Variants in ASCC1 observed in about 807,000 individuals in gnomAD.
ASCC1 encodes the protein ASC-1 complex subunit P50.
Under a neutral mutation model 46.6 loss-of-function variants are expected in ASCC1, and 35 were observed. The ratio of observed to expected loss-of-function variants is 0.75; its 90% CI spans 0.57 to 0.99. The LOEUF (loss-of-function observed/expected upper bound fraction) is 0.99. ASCC1 is among the 50% of genes least tolerant of loss of function. The probability of loss-of-function intolerance (pLI) is 0.00; values close to 1 mark genes in which losing one functional copy is unlikely to be tolerated. For missense variants in ASCC1, 376 were observed against 428.7 expected, an observed-to-expected ratio of 0.88 and a Z score of 1.09; for synonymous variants, 143 against 146.6, an observed-to-expected ratio of 0.98 and a Z score of 0.18.
At chr10:72,105,152 G>T (rs749362626) in intron 9 of ASCC1, among the ~76,000 whole-genome samples, 2 of 152,202 alleles carry the variant, frequency 1.3e-5, no homozygotes, top group Non-Finnish European at 2.9e-5. Context: ...CGGGTACCCA[G>T]AAAAGGCTGT....
At chr10:72,127,957 T>TAA (rs1038350956) in intron 9 of ASCC1, 125 bp downstream of exon 9, 25 of 638,942 alleles carry the variant, frequency 3.9e-5, no homozygotes, top group South Asian at 6.0e-5. Context: ...TTTAGATAAT[T>TAA]AAAAAAAAAA....
chr10:72,111,295 C>T (rs890085669), intron 9 of ASCC1, among the ~76,000 whole-genome samples: 13 of 152,108 alleles, frequency 8.5e-5, no homozygotes, highest in African/African-American at 3.1e-4. Flanking sequence ...CAAGACCAGC[C>T]TGGGCAACAT....
At chr10:72,127,949 T>C (rs917035453) in intron 9 of ASCC1, 133 bp downstream of exon 9, 7 of 752,156 alleles carry the variant, frequency 9.3e-6, no homozygotes, top group African/African-American at 1.8e-5. Flanking sequence ...TCTTTCCCTT[T>C]AGATAATTAA....
chr10:72,195,540 CT>C (rs1855274956), intron 5 of ASCC1, among the ~76,000 whole-genome samples: 1 of 151,502 alleles, frequency 6.6e-6, no homozygotes, highest in Non-Finnish European at 1.5e-5. Flanking sequence ...TATATACAAG[CT>C]AAATTTTATT....
chr10:72,175,997 A>G (rs1024090024), intron 5 of ASCC1, among the ~76,000 whole-genome samples: 1 of 152,228 alleles, frequency 6.6e-6, no homozygotes, highest in Non-Finnish European at 1.5e-5. Flanking sequence ...TACAGCAATA[A>G]TTACAATTAT....
intron 3 of ASCC1, among the ~76,000 whole-genome samples, chr10:72,207,311 G>T (rs894497807): frequency 6.6e-6 from 1 of 152,186 alleles, no homozygotes; most frequent in Non-Finnish European, 1.5e-5. Flanking sequence ...CTACTCGGGA[G>T]GCCGAAGCAG....
chr10:72,133,523 G>A (rs1002446862), intron 7 of ASCC1: 71 of 272,074 alleles, frequency 2.6e-4, no homozygotes, highest in Middle Eastern at 1.4e-3. Flanking sequence ...GGGAAGGAGG[G>A]GCACTTCAAG....
chr10:72,212,946 C>G (rs1158037033), intron 2 of ASCC1, among the ~76,000 whole-genome samples: 2 of 148,874 alleles, frequency 1.3e-5, no homozygotes, highest in African/African-American at 5.2e-5. Context: ...ACTAAAATTT[C>G]TCTATGATAT....
rs1448251238 is a variant in ASCC1 at position 72,097,533 on chromosome 10, C to G, written c.958-83G>C. 8 of 830,440 alleles carry G rather than the reference C, an allele frequency of 9.6e-6. No homozygotes were observed. The Admixed American group carries it at 1.6e-4, about 16-fold the overall frequency. 51.4% of individuals were successfully genotyped at this position (830,440 alleles called of 1,614,324 possible). On this transcript the variant is annotated intron_variant, in intron 9 of 9. Transcript: ENST00000672957. Reference sequence around the variant, plus strand: ...AACATCAGATTATCTTGTAAAAACACCAAACCACAACAATCCCAACAAATC... The same window carrying G: ...AACATCAGATTATCTTGTAAAAACAGCAAACCACAACAATCCCAACAAATC...
At chr10:72,100,512 C>A (rs1010286214) in intron 9 of ASCC1, among the ~76,000 whole-genome samples, 1 of 151,764 alleles carries the variant, frequency 6.6e-6, no homozygotes, top group Non-Finnish European at 1.5e-5. Flanking sequence ...CAGGCATGAG[C>A]CACCATGCCC....
At chr10:72,213,789 C>T (rs535755299) in intron 1 of ASCC1, among the ~76,000 whole-genome samples, 43 of 152,106 alleles carry the variant, frequency 2.8e-4, no homozygotes, top group African/African-American at 1.0e-3. Context: ...CCTGTAATCC[C>T]AGCACTTTGG....
intron 3 of ASCC1, among the ~76,000 whole-genome samples, chr10:72,209,178 A>AG (rs1353104576): frequency 2.0e-5 from 3 of 151,754 alleles, no homozygotes; most frequent in African/African-American, 4.9e-5. Flanking sequence ...AAAAAAAAAA[A>AG]AGAGATATTT....
chr10:72,105,717 A>C (rs957187714), intron 9 of ASCC1, among the ~76,000 whole-genome samples: 2 of 152,090 alleles, frequency 1.3e-5, no homozygotes, highest in Non-Finnish European at 2.9e-5. Flanking sequence ...ACACAAAGGG[A>C]ATTATTGATT....
intron 9 of ASCC1, among the ~76,000 whole-genome samples, chr10:72,126,936 G>A (rs376560849): frequency 3.0e-4 from 46 of 152,318 alleles, no homozygotes; most frequent in South Asian, 6.2e-4. Flanking sequence ...ATGCAGGTGC[G>A]GGAATGCCTG....
At chr10:72,115,509 A>G (rs998872821) in intron 9 of ASCC1, among the ~76,000 whole-genome samples, 2 of 152,242 alleles carry the variant, frequency 1.3e-5, no homozygotes, top group African/African-American at 4.8e-5. Flanking sequence ...GGGAATAGAC[A>G]TATTATGGAG....
At chr10:72,130,349 A>G (rs961028470) in intron 8 of ASCC1, among the ~76,000 whole-genome samples, 1 of 151,970 alleles carries the variant, frequency 6.6e-6, no homozygotes, top group African/African-American at 2.4e-5. Context: ...CCACTAAATT[A>G]TATATATATA....
chr10:72,133,001 G>GA, intron 8 of ASCC1, 56 bp downstream of exon 8: 1 of 1,612,104 alleles, frequency 6.2e-7, no homozygotes, highest in Non-Finnish European at 8.5e-7. Context: ...CTAAACCTCA[G>GA]AGATGCCACA....
At chr10:72,166,383 G>A (rs962020087) in intron 5 of ASCC1, among the ~76,000 whole-genome samples, 1 of 151,968 alleles carries the variant, frequency 6.6e-6, no homozygotes, top group African/African-American at 2.4e-5. Context: ...CGGAAGGATC[G>A]CTTGAGGCCA....
chr10:72,142,595 G>T (rs1847154206), intron 7 of ASCC1, among the ~76,000 whole-genome samples: 1 of 151,906 alleles, frequency 6.6e-6, no homozygotes, highest in East Asian at 1.9e-4. Context: ...TTGAACTCCT[G>T]ACCTCTGGTG....
Sources: gnomAD v4.1 joint callset for allele counts (sites outside exome capture counted in the v4.1 genomes callset) on GRCh38, gnomAD v4.1.1 for gene constraint, MANE v1.5 for transcripts, NCBI Gene and HGNC (gene_info 2026-07-23, HGNC 2026-07-21) for gene names.